SNPH: variants seen among roughly 807,000 people sequenced by gnomAD.
The protein encoded by SNPH is syntaphilin.
SNPH carries 10 observed loss-of-function variants against 36.8 expected under a neutral mutation model. The observed-to-expected ratio is 0.27, with a 90% CI of 0.17 to 0.46. The LOEUF is 0.46. Ranked by LOEUF, SNPH falls within the 20% of genes least tolerant of loss-of-function variation. The probability of loss-of-function intolerance (pLI) is 1.00; values close to 1 mark genes in which losing one functional copy is unlikely to be tolerated. For missense variants in SNPH, 622 were observed against 744.0 expected, an observed-to-expected ratio of 0.84 and a Z score of 1.91; for synonymous variants, 281 against 312.2, an observed-to-expected ratio of 0.90 and a Z score of 1.05.
Position 1,267,139 on chromosome 20 carries a change from A to G in SNPH, c.-493+379A>G, listed in dbSNP as rs188230967. Among the ~76,000 whole-genome samples the G allele has an allele frequency of 2.1e-3, 312 of 150,118 alleles. 1 individual carries two copies. Among genetic ancestry groups the G allele is most frequent in the African/African-American group, 7.5e-3 (305 of 40,728 alleles). On this transcript the variant is annotated intron_variant, in intron 2 of 6. Coordinates refer to ENST00000381867, the MANE Select transcript of SNPH (RefSeq NM_001318234.2). ...TACCTGGGGGTGGGAGAAGGATGAG[A>G]CCCCACCCCCACCCCAAGGTCAAGT...
At position 1,305,816 on chromosome 20, in the gene SNPH, A is replaced by G. The variant is rs745700152; in HGVS notation, c.1379A>G (p.Glu460Gly). Residue 460 changes from glutamate (E) to glycine (G), a missense_variant, in exon 7 of 7, where the codon GAG becomes GGG. Physicochemically the swap from Glu to Gly is moderately conservative, Grantham distance 98 (BLOSUM62 -2). Coordinates refer to ENST00000381867, the MANE Select transcript of SNPH (RefSeq NM_001318234.2). ...GAGGAGGCTGCCGTGGCTGAGAAGG[A>G]GCCCAAGAGCTACTGGAGCCGCCAC... is the stretch of plus-strand genomic sequence containing the variant. ...EEEEAAVAEK[E>G]PKSYWSRHYI... The G allele has an allele frequency of 6.3e-7, 1 of 1,583,066 alleles. No individual in the cohort carries two copies. Among genetic ancestry groups the G allele is most frequent in the Admixed American group, 1.8e-5 (1 of 55,774 alleles).
intron 2 of SNPH, among the ~76,000 whole-genome samples, chr20:1,293,530 G>C (rs2088389740): frequency 6.6e-6 from 1 of 152,174 alleles, no homozygotes. Context: ...CTGCCTCCTT[G>C]CTAGGGCCTA....
chr20:1,298,780 G>A (rs1022215810), intron 5 of SNPH, among the ~76,000 whole-genome samples: 3 of 150,130 alleles, frequency 2.0e-5, no homozygotes, highest in South Asian at 4.2e-4. Flanking sequence ...AGAAACATGC[G>A]TCACAGCGTA....
chr20:1,291,854 A>G (rs2088366036), intron 2 of SNPH, among the ~76,000 whole-genome samples: 2 of 152,192 alleles, frequency 1.3e-5, no homozygotes, highest in South Asian at 4.1e-4. Flanking sequence ...TTTTTCCCCC[A>G]TGACTGTTGA....
chr20:1,297,069 G>A (rs1004040213), intron 4 of SNPH, 76 bp from the exon 5 acceptor site: 104 of 1,519,190 alleles, frequency 6.8e-5, no homozygotes, highest in Non-Finnish European at 8.9e-5. Flanking sequence ...GGCCGCAGCG[G>A]CCTGGCAGTG....
intron 2 of SNPH, among the ~76,000 whole-genome samples, chr20:1,290,074 T>A (rs2088338428): frequency 6.6e-6 from 1 of 151,918 alleles, no homozygotes. Context: ...TAGCCAGGTG[T>A]GGTTGTGCGT....
rs549937520 is a variant in SNPH at position 1,303,474 on chromosome 20, C to T, written c.441-1404C>T. Reference sequence around the variant, plus strand: ...TGTGAGTGAGGAGCAGGGTGAGAGGCCAAAAGGGTTACCTAGAGTGGGCCC... The same window carrying T: ...TGTGAGTGAGGAGCAGGGTGAGAGGTCAAAAGGGTTACCTAGAGTGGGCCC... On this transcript the variant is annotated intron_variant, in intron 6 of 6. Coordinates refer to ENST00000381867, the MANE Select transcript of SNPH (RefSeq NM_001318234.2). Among the ~76,000 whole-genome samples, 111 of 152,302 alleles carry T rather than the reference C, an allele frequency of 7.3e-4. 1 individual carries two copies. Among genetic ancestry groups the T allele is most frequent in the Non-Finnish European group, 1.2e-3 (84 of 68,024 alleles).
At chr20:1,298,804 T>TTGTG (rs3038999) in intron 5 of SNPH, among the ~76,000 whole-genome samples, 28,365 of 140,734 alleles carry the variant, frequency 0.2, 3,362 homozygotes, top group East Asian at 0.54. Flanking sequence ...TTTTTCTAAT[T>TTGTG]TGTGTGTGTG....
rs139584639 is a variant in SNPH, at chr20:1,279,342, A to C, written c.-493+12582A>C. ...TGATGTCGAGCATCTTTTTGTGTCT[A>C]TTTGACAGCCACATATCCTCTTTGG... On this transcript the variant is annotated intron_variant, in intron 2 of 6. Transcript: ENST00000381867. 2.5e-3 allele frequency among the ~76,000 whole-genome samples: 379 copies of C among 152,268 alleles called. 1 individual carries two copies. The highest frequency in any genetic ancestry group is 8.5e-3 in the African/African-American group (355 of 41,560).
At chr20:1,269,110 T>A (rs2088042102) in intron 2 of SNPH, among the ~76,000 whole-genome samples, 1 of 152,230 alleles carries the variant, frequency 6.6e-6, no homozygotes, top group Non-Finnish European at 1.5e-5. Flanking sequence ...TGGGACAACA[T>A]GGATATGCAG....
rs1345432226 is a variant in SNPH, at chr20:1,305,125, G to A, written c.688G>A (p.Val230Met). The A allele has an allele frequency of 6.2e-7, 1 of 1,613,814 alleles. No individual in the cohort carries two copies. The highest frequency in any genetic ancestry group is 8.5e-7 in the Non-Finnish European group (1 of 1,180,008). ...GGAGACGCTGCTGCACAGCATGGAG[G>A]TGGCCCAGAATGGCATGGCCAAGGA... ...KLETLLHSME[V>M]AQNGMAKEDG... The change falls in exon 7 of 7, where the codon GTG becomes ATG. Residue 230 changes from valine (V) to methionine (M), a missense_variant. Physicochemically the swap from Val to Met is conservative, Grantham distance 21. This residue lies in a region of SNPH where 379 missense variants were observed against 427.9 expected (regional missense o/e 0.89). Transcript: ENST00000381867.
chr20:1,271,309 G>A (rs1200815451), intron 2 of SNPH, among the ~76,000 whole-genome samples: 1 of 152,168 alleles, frequency 6.6e-6, no homozygotes, highest in Non-Finnish European at 1.5e-5. Flanking sequence ...CTAGCTCTGA[G>A]TGGCTAACAA....
At chr20:1,269,450 C>T (rs1037264125) in intron 2 of SNPH, among the ~76,000 whole-genome samples, 4 of 152,126 alleles carry the variant, frequency 2.6e-5, no homozygotes, top group Admixed American at 6.5e-5. Context: ...CTGAGGGTTG[C>T]GCGGCTAGAA....
rs978805646 is a variant in SNPH at position 1,276,407 on chromosome 20, G to A, written c.-493+9647G>A. ...CTCTCTGAGTGGTTGGGAACAGAGA[G>A]CGCAGGTTGGAGTTGGATACACTTG... On this transcript the variant is annotated intron_variant, in intron 2 of 6. Transcript: ENST00000381867. The surrounding 1 kb of genome is among the most constrained non-coding windows in gnomAD (Gnocchi z 4.6). Among the ~76,000 whole-genome samples, 69 of 152,328 alleles carry A rather than the reference G, an allele frequency of 4.5e-4. No individual in the cohort carries two copies. Among genetic ancestry groups the A allele is most frequent in the African/African-American group, 1.6e-3 (65 of 41,576 alleles).
At chr20:1,300,852 C>A (rs1600263795) in intron 6 of SNPH, 141 bp downstream of exon 6, 2 of 882,106 alleles carry the variant, frequency 2.3e-6, no homozygotes, top group East Asian at 2.7e-5. Flanking sequence ...CCCAGCAAAG[C>A]CTCATTTGAG....
At position 1,305,275 on chromosome 20, in the gene SNPH, T is replaced by C. The variant is rs779050665; in HGVS notation, c.838T>C (p.Ser280Pro). 1.9e-6 allele frequency: 3 copies of C among 1,610,902 alleles called. No individual in the cohort carries two copies. Among genetic ancestry groups the C allele is most frequent in the Non-Finnish European group, 2.5e-6 (3 of 1,179,784 alleles). ...CCAGCCGGGTGATCCCTCCAGCGGC[T>C]CTGCTGAGGATGGGGCAGACAGTGG... ...DRQPGDPSSG[S>P]AEDGADSGFA... Residue 280 changes from serine to proline, a missense_variant, in exon 7 of 7, where the codon TCT becomes CCT. Ser to Pro is a moderately conservative substitution (Grantham distance 74, BLOSUM62 -1). This residue lies in a region of SNPH where 379 missense variants were observed against 427.9 expected (regional missense o/e 0.89). Transcript: ENST00000381867.
intron 2 of SNPH, among the ~76,000 whole-genome samples, chr20:1,281,314 C>T (rs1389337762): frequency 6.6e-6 from 1 of 152,230 alleles, no homozygotes; most frequent in Non-Finnish European, 1.5e-5. Flanking sequence ...TGGTGCTTCT[C>T]TTCATCTCTT....
Position 1,267,798 on chromosome 20 carries a change from G to A in SNPH, c.-493+1038G>A, listed in dbSNP as rs148182627. 3.8e-3 allele frequency among the ~76,000 whole-genome samples: 584 copies of A among 152,340 alleles called. 4 individuals carry two copies. Among genetic ancestry groups the A allele is most frequent in the South Asian group, 0.019 (91 of 4,828 alleles). The stretch of plus-strand genomic sequence containing the variant: ...GAAACATTGACCTTGTGGGCCTCAA[G>A]GAGCTGGAGGTGCCAGACAGTCCTA... On this transcript the variant is annotated intron_variant, in intron 2 of 6. Transcript: ENST00000381867.
Position 1,305,223 on chromosome 20 carries a change from G to C in SNPH, c.786G>C (p.Leu262=). 2.5e-6 allele frequency: 4 copies of C among 1,611,554 alleles called. No homozygotes were observed. The highest frequency in any genetic ancestry group is 3.4e-6 in the Non-Finnish European group (4 of 1,179,716). Residue 262 remains leucine (L), a synonymous_variant, in exon 7 of 7, where the codon CTG becomes CTC. Transcript: ENST00000381867. ...CCCGCAGCTCCACCTACACCAAGCT[G>C]AGTGACCCGGCTGTCTGTGGTGACC... ...SLTRSSTYTK[L]SDPAVCGDRQ... is the part of the protein sequence containing the mutation.
Sources: allele counts gnomAD v4.1 joint callset (sites outside exome capture counted in the v4.1 genomes callset), GRCh38; gene constraint gnomAD v4.1.1; regional missense constraint gnomAD v4.1.1; non-coding constraint Gnocchi (gnomAD v3.1); transcripts MANE v1.5; gene names NCBI Gene and HGNC (gene_info 2026-07-23, HGNC 2026-07-21).